The following EYS variants were observed in gnomAD, a reference collection of about 807,000 sequenced individuals.
EYS encodes EGF-like photoreceptor maintenance factor.
In EYS, 250 loss-of-function variants were observed where a neutral mutation model predicts 282.1. That is an observed-to-expected ratio of 0.89 (90% CI 0.80 to 0.98). The LOEUF is 0.98. Among genes scored for constraint, EYS ranks in the 50% least tolerant of loss-of-function variants. The pLI is 0.00. For synonymous variants in EYS, 1,355 were observed against 1,282.9 expected (o/e 1.06, Z -1.20); for missense variants, 4,016 against 3,709.0 (o/e 1.08, Z -2.15).
Position 65,090,162 on chromosome 6 carries a change from C to T in EYS, c.2024-32435G>A, listed in dbSNP as rs766263123. On this transcript the variant is annotated intron_variant, in intron 12 of 42. Transcript: ENST00000503581. ...AAGATCTCATCTTGAATTGTAATACCCATAATCCCCAGGTGTCAAGGGCAG... is the reference window on the plus strand; with the variant it reads ...AAGATCTCATCTTGAATTGTAATACTCATAATCCCCAGGTGTCAAGGGCAG... 7.7e-4 allele frequency among the ~76,000 whole-genome samples: 117 copies of T among 151,850 alleles called. 2 individuals are homozygous for T. The highest frequency in any genetic ancestry group is 2.1e-4 in the Non-Finnish European group (14 of 67,966).
intron 18 of EYS, among the ~76,000 whole-genome samples, chr6:64,898,872 A>T (rs1365698980): frequency 6.6e-6 from 1 of 152,014 alleles, no homozygotes; most frequent in Non-Finnish European, 1.5e-5. Flanking sequence ...GGCATTACAT[A>T]ACGGTAAAGG....
intron 33 of EYS, among the ~76,000 whole-genome samples, chr6:64,018,964 G>A (rs1769039658): frequency 1.3e-5 from 2 of 151,746 alleles, no homozygotes; most frequent in African/African-American, 4.8e-5. Flanking sequence ...TAGTAGAGAC[G>A]GGGTTTCGCC....
chr6:63,998,791 C>CT (rs60945987), intron 34 of EYS, among the ~76,000 whole-genome samples: 11,566 of 140,276 alleles, frequency 0.082, 1,270 homozygotes, highest in African/African-American at 0.26. Context: ...CTGGAGCTGT[C>CT]TTTTTTTTTT....
intron 22 of EYS, among the ~76,000 whole-genome samples, chr6:64,659,329 G>C (rs1337575855): frequency 6.6e-6 from 1 of 151,250 alleles, no homozygotes. Flanking sequence ...AAAAGAACTA[G>C]ATAAGAAAGA....
chr6:64,191,485 C>CCA (rs1554217136), intron 31 of EYS, among the ~76,000 whole-genome samples: 1 of 147,560 alleles, frequency 6.8e-6, no homozygotes, highest in African/African-American at 2.4e-5. Flanking sequence ...CTTCCCCCCC[C>CCA]ACCCCAAAAC....
chr6:64,814,936 A>G (rs1164799400), intron 21 of EYS, among the ~76,000 whole-genome samples: 2 of 152,032 alleles, frequency 1.3e-5, no homozygotes, highest in Admixed American at 1.3e-4. Context: ...ACAAATATTT[A>G]GTGACTTTTT....
chr6:64,221,986 AT>A (rs1355697188), intron 31 of EYS, among the ~76,000 whole-genome samples: 1 of 152,060 alleles, frequency 6.6e-6, no homozygotes. Flanking sequence ...CAAAGTTTCC[AT>A]TTCCTACTTT....
chr6:64,893,289 C>G (rs1023368618), intron 18 of EYS, among the ~76,000 whole-genome samples: 1 of 151,968 alleles, frequency 6.6e-6, no homozygotes, highest in African/African-American at 2.4e-5. Context: ...AATCATGTTA[C>G]TAGAGGTAAG....
chr6:63,993,706 A>G (rs1031602533), intron 34 of EYS, among the ~76,000 whole-genome samples: 2 of 151,944 alleles, frequency 1.3e-5, no homozygotes, highest in Non-Finnish European at 2.9e-5. Flanking sequence ...TGGAACATCA[A>G]TAAAATGTCC....
rs1300009932 is a variant in EYS at position 65,609,814 on chromosome 6, A to G, written c.-333+29964T>C. Reference sequence around the variant, plus strand: ...TATCATGTTCATAAGCAAGTTACATAAAACTAAATTGTTATGCCACTAAAA... The same window carrying G: ...TATCATGTTCATAAGCAAGTTACATGAAACTAAATTGTTATGCCACTAAAA... On this transcript the variant is annotated intron_variant, in intron 2 of 42. Transcript: ENST00000503581. Among the ~76,000 whole-genome samples the G allele has an allele frequency of 5.9e-5, 9 of 152,282 alleles. No homozygotes were observed. In the South Asian group the frequency reaches 6.2e-4, roughly 11 times the overall value.
At chr6:63,863,198 C>A (rs1437160445) in intron 36 of EYS, among the ~76,000 whole-genome samples, 1 of 152,166 alleles carries the variant, frequency 6.6e-6, no homozygotes, top group Non-Finnish European at 1.5e-5. Flanking sequence ...AATGATAAAG[C>A]AAGTCCAGTC....
chr6:64,803,126 T>C (rs536853304), intron 22 of EYS, among the ~76,000 whole-genome samples: 4 of 152,298 alleles, frequency 2.6e-5, no homozygotes, highest in Admixed American at 6.5e-5. Flanking sequence ...AGGAGCTTCA[T>C]TGATCAGCAG....
At chr6:64,830,176 C>A (rs187803925) in intron 19 of EYS, among the ~76,000 whole-genome samples, 114 of 152,076 alleles carry the variant, frequency 7.5e-4, no homozygotes, top group Non-Finnish European at 1.4e-3. Context: ...CTAGAAGGCA[C>A]AATCTAAGTA....
At chr6:65,441,346 A>T (rs536758911) in intron 5 of EYS, among the ~76,000 whole-genome samples, 28 of 152,016 alleles carry the variant, frequency 1.8e-4, no homozygotes, top group African/African-American at 6.3e-4. Context: ...TTGACACTAT[A>T]TGTGTTAGTT....
chr6:65,375,426 G>A (rs945601132), intron 8 of EYS, among the ~76,000 whole-genome samples: 2 of 152,110 alleles, frequency 1.3e-5, no homozygotes, highest in Non-Finnish European at 2.9e-5. Flanking sequence ...CCATGGAGAT[G>A]AGGAAAAACC....
chr6:64,576,925 G>A (rs1765899275), intron 26 of EYS, among the ~76,000 whole-genome samples: 1 of 152,250 alleles, frequency 6.6e-6, no homozygotes, highest in East Asian at 1.9e-4. Flanking sequence ...TATTAGAGAT[G>A]TAATTAGTTA....
At chr6:64,693,250 A>G (rs1770463569) in intron 22 of EYS, among the ~76,000 whole-genome samples, 1 of 151,920 alleles carries the variant, frequency 6.6e-6, no homozygotes, top group Non-Finnish European at 1.5e-5. Context: ...CAATTGATTC[A>G]GTCCAAATGT....
chr6:63,775,434 A>T (rs1402209625), intron 40 of EYS, among the ~76,000 whole-genome samples: 1 of 152,214 alleles, frequency 6.6e-6, no homozygotes, highest in Non-Finnish European at 1.5e-5. Context: ...ACACCATAAA[A>T]TTGGTGCTTC....
chr6:65,123,758 C>CCCACACA (rs1554157088), intron 12 of EYS, among the ~76,000 whole-genome samples: 2 of 147,002 alleles, frequency 1.4e-5, no homozygotes, highest in African/African-American at 5.0e-5. Context: ...ACCCACCCAC[C>CCCACACA]CACACACACA....
Sources: gnomAD v4.1 joint callset for allele counts (sites outside exome capture counted in the v4.1 genomes callset) on GRCh38, gnomAD v4.1.1 for gene constraint, MANE v1.5 for transcripts, NCBI Gene and HGNC (gene_info 2026-07-23, HGNC 2026-07-21) for gene names.